Variants in SPARCL1 observed in about 807,000 individuals in gnomAD.
The protein encoded by SPARCL1 is SPARC-like protein 1.
In SPARCL1, 52 loss-of-function variants were observed where a neutral mutation model predicts 67.1. The observed-to-expected ratio is 0.78, with a 90% CI of 0.62 to 0.98. The LOEUF (loss-of-function observed/expected upper bound fraction) is 0.98, where lower values mean the gene tolerates loss of function less well. Among genes scored for constraint, SPARCL1 ranks in the 50% least tolerant of loss-of-function variants. SPARCL1 has a pLI of 0.00. For synonymous variants in SPARCL1, 226 were observed against 267.8 expected (o/e 0.84, Z 1.52); for missense variants, 717 against 782.4 (o/e 0.92, Z 1.00).
At chr4:87,512,001 G>C (rs1232585034) in intron 1 of SPARCL1, among the ~76,000 whole-genome samples, 1 of 116,676 alleles carries the variant, frequency 8.6e-6, no homozygotes, top group Non-Finnish European at 1.6e-5. Context: ...GTCTCACTCT[G>C]TTTTCCAGGC....
intron 1 of SPARCL1, chr4:87,528,635 G>C (rs1726151318): frequency 6.6e-6 from 1 of 152,040 alleles, no homozygotes; most frequent in Admixed American, 6.6e-5. Flanking sequence ...TTTAAACATG[G>C]AAAACATACA....
intron 1 of SPARCL1, among the ~76,000 whole-genome samples, chr4:87,518,648 C>T (rs1006831824): frequency 7.2e-5 from 11 of 152,192 alleles, no homozygotes; most frequent in African/African-American, 1.4e-4. Flanking sequence ...ATAACAACAT[C>T]TTCCACTATT....
At chr4:87,521,924 G>A (rs1334474439) in intron 1 of SPARCL1, among the ~76,000 whole-genome samples, 1 of 152,170 alleles carries the variant, frequency 6.6e-6, no homozygotes, top group Admixed American at 6.5e-5. Flanking sequence ...TCTGGGAAAT[G>A]TAGTAAACAA....
At chr4:87,480,583 CTA>C (rs34452129) in intron 8 of SPARCL1, 63 bp from the exon 9 acceptor site, 582,262 of 1,472,092 alleles carry the variant, frequency 0.4, 124,213 homozygotes, top group African/African-American at 0.8. Flanking sequence ...TTGTCACTTG[CTA>C]TAAACTTTAC....
chr4:87,491,026 A>G, intron 5 of SPARCL1, 148 bp from the exon 6 acceptor site: 1 of 550,864 alleles, frequency 1.8e-6, no homozygotes, highest in Non-Finnish European at 3.2e-6. Context: ...AGACATTGGA[A>G]TCCTCTTTAA....
rs1724494015 is a variant in SPARCL1 at position 87,494,056 on chromosome 4, A to G, written c.744T>C (p.Asp248=). ...TQSDDILEES[D]QPTQVSKMQE... ...GCATCTTGCTTACTTGAGTTGGTTG[A>G]TCAGACTCTTCCAAAATATCATCAG... The change falls in exon 4 of 11, where the codon GAT becomes GAC. Residue 248 remains aspartate (D), a synonymous_variant. Coordinates refer to ENST00000282470, the MANE Select transcript of SPARCL1 (RefSeq NM_004684.6). 3.1e-6 allele frequency: 5 copies of G among 1,614,006 alleles called. No individual in the cohort carries two copies. Among genetic ancestry groups the G allele is most frequent in the Non-Finnish European group, 4.2e-6 (5 of 1,180,030 alleles).
intron 1 of SPARCL1, among the ~76,000 whole-genome samples, chr4:87,526,060 G>A (rs948647605): frequency 5.3e-5 from 8 of 152,188 alleles, no homozygotes; most frequent in African/African-American, 1.9e-4. Flanking sequence ...AAGAAGAAAT[G>A]TTGGGGGCTT....
intron 1 of SPARCL1, among the ~76,000 whole-genome samples, chr4:87,518,349 T>C (rs935529384): frequency 3.9e-5 from 6 of 152,186 alleles, no homozygotes; most frequent in East Asian, 1.9e-4. Context: ...TAGTCCCAGC[T>C]ACTGAGGAGG....
chr4:87,503,929 C>G (rs1360964401), intron 1 of SPARCL1, among the ~76,000 whole-genome samples: 1 of 151,998 alleles, frequency 6.6e-6, no homozygotes, highest in East Asian at 1.9e-4. Flanking sequence ...GTCCACCTGC[C>G]TCGGCCTCTC....
chr4:87,512,504 C>G (rs1372537742), intron 1 of SPARCL1, among the ~76,000 whole-genome samples: 1 of 152,032 alleles, frequency 6.6e-6, no homozygotes, highest in Non-Finnish European at 1.5e-5. Flanking sequence ...AGTTTTTCCT[C>G]TTGGTGGAAG....
chr4:87,516,533 T>C (rs1489487932), intron 1 of SPARCL1, among the ~76,000 whole-genome samples: 1 of 152,202 alleles, frequency 6.6e-6, no homozygotes, highest in African/African-American at 2.4e-5. Flanking sequence ...CCAGGTTCTA[T>C]GCTAAGCACT....
At chr4:87,507,514 T>C (rs1725146745) in intron 1 of SPARCL1, among the ~76,000 whole-genome samples, 1 of 152,176 alleles carries the variant, frequency 6.6e-6, no homozygotes, top group African/African-American at 2.4e-5. Flanking sequence ...CAAGGACACA[T>C]AGTTTCTCTC....
intron 1 of SPARCL1, among the ~76,000 whole-genome samples, chr4:87,515,104 A>T (rs1412238033): frequency 6.6e-6 from 1 of 152,248 alleles, no homozygotes; most frequent in African/African-American, 2.4e-5. Context: ...AGACTTAAAT[A>T]TGCAGTATTG....
At chr4:87,474,954 A>G (rs571197736) in intron 10 of SPARCL1, among the ~76,000 whole-genome samples, 20 of 151,776 alleles carry the variant, frequency 1.3e-4, no homozygotes, top group African/African-American at 3.6e-4. Flanking sequence ...GTGTTAGCCA[A>G]GATGGTCTCG....
chr4:87,504,080 G>T (rs1430439301), intron 1 of SPARCL1, among the ~76,000 whole-genome samples: 1 of 149,740 alleles, frequency 6.7e-6, no homozygotes, highest in East Asian at 2.0e-4. Flanking sequence ...CTGGACCAGG[G>T]AACAGTCAGT....
At chr4:87,521,170 A>G (rs1466989435) in intron 1 of SPARCL1, among the ~76,000 whole-genome samples, 1 of 152,202 alleles carries the variant, frequency 6.6e-6, no homozygotes, top group South Asian at 2.1e-4. Context: ...CAGTTCCTAT[A>G]GTTTTTTAGA....
At chr4:87,522,396 C>A (rs776835873) in intron 1 of SPARCL1, among the ~76,000 whole-genome samples, 3 of 151,830 alleles carry the variant, frequency 2.0e-5, no homozygotes, top group Non-Finnish European at 4.4e-5. Flanking sequence ...AACCAGAAAT[C>A]CATCCAGACG....
intron 1 of SPARCL1, among the ~76,000 whole-genome samples, chr4:87,511,987 CAG>C (rs1725383234): frequency 2.7e-5 from 1 of 37,472 alleles, no homozygotes; most frequent in South Asian, 1.3e-3. Context: ...TTTTTTGAGA[CAG>C]AGTCTCACTC....
intron 2 of SPARCL1, among the ~76,000 whole-genome samples, chr4:87,496,420 T>C (rs765716101): frequency 8.0e-4 from 121 of 151,986 alleles, no homozygotes; most frequent in Non-Finnish European, 1.5e-3. Context: ...AGTTTCACCA[T>C]GTTGCCCAGT....
Sources: gnomAD v4.1 joint callset for allele counts (sites outside exome capture counted in the v4.1 genomes callset) on GRCh38, gnomAD v4.1.1 for gene constraint, MANE v1.5 for transcripts, NCBI Gene and HGNC (gene_info 2026-07-23, HGNC 2026-07-21) for gene names.